PRELID2: variants seen among roughly 807,000 people sequenced by gnomAD.
PRELID2 encodes PRELI domain-containing protein 2.
In PRELID2, 25 loss-of-function variants were observed where a neutral mutation model predicts 28.4. That is an observed-to-expected ratio of 0.88 (90% CI 0.64 to 1.23). The LOEUF is 1.23. Ranked by LOEUF, PRELID2 falls within the 50% of genes most tolerant of loss-of-function variation. The pLI is 0.00. For synonymous variants in PRELID2, 76 were observed against 71.6 expected, an observed-to-expected ratio of 1.06 and a Z score of -0.31; for missense variants, 201 against 214.4, an observed-to-expected ratio of 0.94 and a Z score of 0.39.
the PRELID2 span, among the ~76,000 whole-genome samples, chr5:145,272,889 T>A: frequency 1.3e-5 from 2 of 152,124 alleles, no homozygotes; most frequent in Non-Finnish European, 2.9e-5. Context: ...ATGGAAAGCT[T>A]CTCAGTAGGG....
intron 4 of PRELID2, among the ~76,000 whole-genome samples, 182 bp downstream of exon 4, chr5:145,817,712 T>TC (rs1754469258): frequency 6.6e-6 from 1 of 152,052 alleles, no homozygotes; most frequent in Admixed American, 6.6e-5. Context: ...AGGTGAACTC[T>TC]ATCATTTCCT....
intron 1 of PRELID2, among the ~76,000 whole-genome samples, chr5:145,823,561 G>A (rs574386596): frequency 5.3e-5 from 8 of 152,222 alleles, no homozygotes; most frequent in South Asian, 2.1e-4. Context: ...TTTCAGATAC[G>A]GAAACTGAAT....
chr5:145,276,156 T>C, the PRELID2 span, among the ~76,000 whole-genome samples: 2 of 152,152 alleles, frequency 1.3e-5, no homozygotes, highest in Admixed American at 6.6e-5. Flanking sequence ...CCTCTTTCAC[T>C]CTCCAATAAC....
In PRELID2 at chr5:145,722,913, C is replaced by A. The variant is rs528337466; in HGVS notation, n.70+42018G>T. Among the ~76,000 whole-genome samples the A allele has an allele frequency of 1.2e-4, 19 of 152,146 alleles. 1 individual carries two copies. The South Asian group carries it at 3.7e-3, about 30-fold the overall frequency. ...AACATTGTATCAAGGCTATACCCCCCAAAAAGGTACCAGGAGCAGAAGTTT... is the reference window on the plus strand; with the variant it reads ...AACATTGTATCAAGGCTATACCCCCAAAAAAGGTACCAGGAGCAGAAGTTT... On this transcript the variant is annotated intron_variant and non_coding_transcript_variant, in intron 1 of 2. Transcript: ENST00000510259.
intron 1 of PRELID2, among the ~76,000 whole-genome samples, chr5:145,570,325 C>G (rs947462392): frequency 2.0e-5 from 3 of 152,078 alleles, no homozygotes; most frequent in Non-Finnish European, 4.4e-5. Flanking sequence ...TCCACTATGA[C>G]GTGAATACAA....
chr5:145,638,224 G>C (rs1754035650), intron 1 of PRELID2, among the ~76,000 whole-genome samples: 2 of 152,088 alleles, frequency 1.3e-5, no homozygotes, highest in South Asian at 2.1e-4. Flanking sequence ...GATTTTACAA[G>C]AAAACCTAGG....
At chr5:145,535,652 T>C (rs1752692211) in intron 1 of PRELID2, among the ~76,000 whole-genome samples, 1 of 151,846 alleles carries the variant, frequency 6.6e-6, no homozygotes, top group Non-Finnish European at 1.5e-5. Context: ...GAGGCACGTG[T>C]ATAATTTCAT....
chr5:145,663,942 G>A (rs1581037325), intron 1 of PRELID2, among the ~76,000 whole-genome samples: 1 of 152,142 alleles, frequency 6.6e-6, no homozygotes, highest in East Asian at 1.9e-4. Flanking sequence ...TGTTCCTCAA[G>A]GCATTTTCCA....
At chr5:145,353,378 G>C in the PRELID2 span, among the ~76,000 whole-genome samples, 1 of 151,912 alleles carries the variant, frequency 6.6e-6, no homozygotes, top group Non-Finnish European at 1.5e-5. Context: ...CAGGAGAATC[G>C]CTTGAACCCA....
At chr5:145,825,506 C>A (rs1284386672) in intron 1 of PRELID2, among the ~76,000 whole-genome samples, 2 of 152,074 alleles carry the variant, frequency 1.3e-5, no homozygotes, top group Non-Finnish European at 2.9e-5. Context: ...CTAGTTTGTT[C>A]ATTACATACC....
chr5:145,435,394 C>T, the PRELID2 span, among the ~76,000 whole-genome samples: 1 of 152,044 alleles, frequency 6.6e-6, no homozygotes, highest in African/African-American at 2.4e-5. Context: ...CAAGCCAGAG[C>T]AAGTTTGATG....
chr5:145,333,832 A>C, the PRELID2 span, among the ~76,000 whole-genome samples: 1 of 151,708 alleles, frequency 6.6e-6, no homozygotes, highest in East Asian at 1.9e-4. Flanking sequence ...AAAAAAAAAA[A>C]AAAACTCCTG....
chr5:145,549,566 G>A (rs903722537), intron 1 of PRELID2, among the ~76,000 whole-genome samples: 6 of 152,196 alleles, frequency 3.9e-5, no homozygotes, highest in East Asian at 1.9e-4. Flanking sequence ...AGGCCGAGGC[G>A]GACGGAGCAC....
chr5:145,780,721 A>G (rs1758733855), intron 5 of PRELID2, among the ~76,000 whole-genome samples: 1 of 152,254 alleles, frequency 6.6e-6, no homozygotes, highest in African/African-American at 2.4e-5. Context: ...AGAAAAACCA[A>G]TAGGTATTAA....
chr5:145,528,273 G>C (rs957642957), intron 1 of PRELID2, among the ~76,000 whole-genome samples: 6 of 152,152 alleles, frequency 3.9e-5, no homozygotes, highest in African/African-American at 1.4e-4. Flanking sequence ...ACCTCTTTGA[G>C]ATGAAAACTG....
At chr5:145,698,206 G>C (rs1363789013) in intron 1 of PRELID2, among the ~76,000 whole-genome samples, 1 of 152,072 alleles carries the variant, frequency 6.6e-6, no homozygotes, top group Non-Finnish European at 1.5e-5. Context: ...TTCTGACTGA[G>C]GACCTACTAT....
At chr5:145,314,425 TCAATTGTA>T in the PRELID2 span, among the ~76,000 whole-genome samples, 3 of 152,200 alleles carry the variant, frequency 2.0e-5, no homozygotes, top group Non-Finnish European at 4.4e-5. Context: ...AAAGTCTGTT[TCAATTGTA>T]CTAGAAATCT....
chr5:145,575,607 G>A (rs1219282578), intron 1 of PRELID2, among the ~76,000 whole-genome samples: 1 of 152,116 alleles, frequency 6.6e-6, no homozygotes, highest in Admixed American at 6.6e-5. Context: ...CAGACAGAGG[G>A]ATTTTTAAAA....
the PRELID2 span, among the ~76,000 whole-genome samples, chr5:145,401,277 A>G: frequency 6.6e-6 from 1 of 151,730 alleles, no homozygotes; most frequent in African/African-American, 2.4e-5. Context: ...TTGGTAAAAT[A>G]TGAATAAAGA....
Sources: gnomAD v4.1 joint callset for allele counts (sites outside exome capture counted in the v4.1 genomes callset) on GRCh38, gnomAD v4.1.1 for gene constraint, MANE v1.5 for transcripts, NCBI Gene and HGNC (gene_info 2026-07-23, HGNC 2026-07-21) for gene names.